The following WNT7A variants were observed in gnomAD, a reference collection of about 807,000 sequenced individuals.
WNT7A encodes Wnt family member 7A.
A neutral mutation model predicts 28.2 loss-of-function variants in WNT7A; 16 were observed. The observed-to-expected ratio is 0.57, with a 90% CI of 0.38 to 0.86. WNT7A has a LOEUF of 0.86. Among genes scored for constraint, WNT7A ranks in the 40% least tolerant of loss-of-function variants. The pLI is 0.00. For missense variants in WNT7A, 411 were observed against 489.7 expected (o/e 0.84, Z 1.52); for synonymous variants, 190 against 195.9 (o/e 0.97, Z 0.25).
chr3:13,850,994 C>G (rs1002901957), intron 3 of WNT7A, among the ~76,000 whole-genome samples: 1 of 152,126 alleles, frequency 6.6e-6, no homozygotes, highest in Non-Finnish European at 1.5e-5. Flanking sequence ...CTGCTTTCCC[C>G]CTTTAACCCT....
intron 1 of WNT7A, among the ~76,000 whole-genome samples, chr3:13,877,532 C>G (rs957848102): frequency 1.3e-5 from 2 of 152,228 alleles, no homozygotes; most frequent in African/African-American, 4.8e-5. Flanking sequence ...GGTTGGCATA[C>G]TGGGGCCAAA....
chr3:13,860,916 G>A (rs1694818109), intron 2 of WNT7A, among the ~76,000 whole-genome samples: 1 of 152,186 alleles, frequency 6.6e-6, no homozygotes, highest in South Asian at 2.1e-4. Flanking sequence ...GCTGAGCAAA[G>A]ACATACAAAA....
intron 2 of WNT7A, among the ~76,000 whole-genome samples, chr3:13,855,757 A>T (rs949448029): frequency 3.3e-5 from 5 of 152,150 alleles, no homozygotes; most frequent in Admixed American, 2.6e-4. Flanking sequence ...GTGTGGTATA[A>T]GCCCTGAGGA....
chr3:13,847,243 C>T (rs1694551867), intron 3 of WNT7A, among the ~76,000 whole-genome samples: 1 of 152,210 alleles, frequency 6.6e-6, no homozygotes, highest in African/African-American at 2.4e-5. Flanking sequence ...TCTCTAGGCC[C>T]AGACACCCTG....
At chr3:13,856,853 A>AGAAGAG (rs1291301528) in intron 2 of WNT7A, among the ~76,000 whole-genome samples, 3 of 148,936 alleles carry the variant, frequency 2.0e-5, no homozygotes, top group Admixed American at 6.8e-5. Flanking sequence ...AAGAAGAGGA[A>AGAAGAG]GAAGAGGAAG....
chr3:13,836,694 A>G (rs1694375795), intron 3 of WNT7A, among the ~76,000 whole-genome samples: 1 of 152,200 alleles, frequency 6.6e-6, no homozygotes, highest in East Asian at 1.9e-4. Context: ...AGACCGGTAG[A>G]AGGAAGACTG....
At chr3:13,828,604 G>A (rs4685040) in intron 3 of WNT7A, among the ~76,000 whole-genome samples, 25,207 of 152,180 alleles carry the variant, frequency 0.17, 2,752 homozygotes, top group East Asian at 0.56. Flanking sequence ...CATGGCGCAG[G>A]TCTGGGGAGC....
At chr3:13,854,424 G>C (rs1382046459) in intron 3 of WNT7A, 108 bp downstream of exon 3, 10 of 1,572,118 alleles carry the variant, frequency 6.4e-6, no homozygotes, top group Non-Finnish European at 8.7e-6. Context: ...TGAGGCTGAG[G>C]GCAGAGCCCT....
intron 3 of WNT7A, among the ~76,000 whole-genome samples, chr3:13,826,174 C>T (rs35137353): frequency 0.17 from 25,929 of 152,208 alleles, 2,834 homozygotes; most frequent in East Asian, 0.56. Flanking sequence ...GGTGCTGCTC[C>T]GGTTTTCTCT....
Position 13,819,596 on chromosome 3 carries a change from C to G in WNT7A, c.571-173G>C, listed in dbSNP as rs78857478. Among the ~76,000 whole-genome samples, 308 of 151,476 alleles carry G rather than the reference C, an allele frequency of 2.0e-3. 1 individual carries two copies. Among genetic ancestry groups the G allele is most frequent in the African/African-American group, 6.8e-3 (280 of 41,264 alleles). On this transcript the variant is annotated intron_variant, in intron 3 of 3. Coordinates refer to ENST00000285018, the MANE Select transcript of WNT7A (RefSeq NM_004625.4). ...TGGATTCTAGGCCCTCTCATTCCAG[C>G]CTTTGTGCTGTGCAAGCCACTTCAG...
chr3:13,877,767 G>A (rs575844722), intron 1 of WNT7A, among the ~76,000 whole-genome samples: 3 of 152,364 alleles, frequency 2.0e-5, no homozygotes, highest in South Asian at 4.1e-4. Flanking sequence ...CAGGCACATA[G>A]TGAGTGCCCC....
chr3:13,856,959 GA>G (rs1559303350), intron 2 of WNT7A, among the ~76,000 whole-genome samples: 25 of 125,256 alleles, frequency 2.0e-4, no homozygotes, highest in African/African-American at 9.1e-4. Flanking sequence ...AGAAGAAGAA[GA>G]AGAAGAAGGA....
intron 3 of WNT7A, among the ~76,000 whole-genome samples, chr3:13,848,047 T>G (rs1008528140): frequency 8.1e-5 from 12 of 148,724 alleles, no homozygotes; most frequent in African/African-American, 3.1e-4. Context: ...TCATTGATTT[T>G]TTTAAATTAA....
chr3:13,836,200 TAA>T (rs200750554), intron 3 of WNT7A, among the ~76,000 whole-genome samples: 14,062 of 134,852 alleles, frequency 0.1, 845 homozygotes, highest in Middle Eastern at 0.2. Context: ...AGCTGGTTTT[TAA>T]AAAAAAAAAA....
intron 3 of WNT7A, among the ~76,000 whole-genome samples, chr3:13,826,661 G>C (rs1156803191): frequency 2.0e-5 from 3 of 152,184 alleles, no homozygotes; most frequent in Non-Finnish European, 2.9e-5. Flanking sequence ...AGAGGATAAT[G>C]TGAGTGCAGG....
intron 2 of WNT7A, among the ~76,000 whole-genome samples, chr3:13,859,524 C>G (rs553011514): frequency 6.6e-6 from 1 of 152,080 alleles, no homozygotes; most frequent in Non-Finnish European, 1.5e-5. Context: ...AAGAACTTGC[C>G]CTGCATCTGT....
At chr3:13,856,804 C>T (rs572815541) in intron 2 of WNT7A, among the ~76,000 whole-genome samples, 9 of 146,612 alleles carry the variant, frequency 6.1e-5, no homozygotes, top group South Asian at 2.2e-4. Context: ...GGTGACAGAG[C>T]GAAACTCCAT....
At chr3:13,844,333 G>A (rs1694505520) in intron 3 of WNT7A, among the ~76,000 whole-genome samples, 1 of 152,222 alleles carries the variant, frequency 6.6e-6, no homozygotes, top group Non-Finnish European at 1.5e-5. Context: ...GATGGGACCA[G>A]CACATGGAAG....
intron 3 of WNT7A, among the ~76,000 whole-genome samples, chr3:13,838,317 T>C (rs900942978): frequency 1.3e-5 from 2 of 152,184 alleles, no homozygotes; most frequent in Admixed American, 6.5e-5. Flanking sequence ...CAGCACCATG[T>C]AGGCCTGCTG....
Sources: allele counts gnomAD v4.1 joint callset (sites outside exome capture counted in the v4.1 genomes callset), GRCh38; gene constraint gnomAD v4.1.1; transcripts MANE v1.5; gene names NCBI Gene and HGNC (gene_info 2026-07-23, HGNC 2026-07-21).